The following C4orf50 variants were observed in gnomAD, a reference collection of about 807,000 sequenced individuals.
The protein encoded by C4orf50 is chromosome 4 open reading frame 50, also known as uncharacterized protein C4orf50.
In C4orf50, 80 loss-of-function variants were observed where a neutral mutation model predicts 77.2. That is an observed-to-expected ratio of 1.04 (90% CI 0.87 to 1.25). The LOEUF is 1.25. C4orf50 is among the 50% of genes most tolerant of loss of function. The pLI is 0.00. For synonymous variants in C4orf50, 532 were observed against 465.3 expected (o/e 1.14, Z -1.84); for missense variants, 1,257 against 1,152.9 (o/e 1.09, Z -1.31).
At chr4:5,950,100 A>C (rs1307121302) in intron 7 of C4orf50, among the ~76,000 whole-genome samples, 2 of 152,182 alleles carry the variant, frequency 1.3e-5, no homozygotes, top group Non-Finnish European at 2.9e-5. Flanking sequence ...AATAGCAAAA[A>C]CTGCAATTAT....
rs1309806693 is a variant in C4orf50 at position 6,017,597 on chromosome 4, AAGCCTTCCAG to A, written c.287+538_287+547del. ...CTGTGATGCCTGTAGCCACCTATGC[AAGCCTTCCAG>A]AGCACACATGCTTTTTCCCCAGGAT... On this transcript the variant is annotated intron_variant, in intron 23 of 33. Transcript: ENST00000531445. This position sits in a 1 kb window ranked among gnomAD's most constrained non-coding sequence, Gnocchi z 4.7. Among the ~76,000 whole-genome samples, 1 of 152,126 alleles carries A rather than the reference AAGCCTTCCAG, an allele frequency of 6.6e-6. No individual in the cohort carries two copies. Among genetic ancestry groups the A allele is most frequent in the Admixed American group, 6.5e-5 (1 of 15,268 alleles).
intron 7 of C4orf50, among the ~76,000 whole-genome samples, chr4:5,935,886 GA>G (rs1310414918): frequency 6.6e-6 from 1 of 151,054 alleles, no homozygotes. Context: ...TATTTGTCAG[GA>G]AGGTTAAGTT....
In C4orf50 at chr4:5,959,384, TA is replaced by T; in HGVS notation, c.4517del (p.Leu1506Ter). On this transcript the variant is annotated frameshift_variant, in exon 34 of 34. Coordinates refer to ENST00000531445, the Ensembl canonical transcript of C4orf50. LOFTEE classifies it high-confidence loss of function. ...AGAATGAGTGGCCCTATTACATTTC[TA>T]ACTCCAGCGGTGATTTATGGACCTG... The T allele has an allele frequency of 6.2e-7, 1 of 1,613,324 alleles. No individual in the cohort carries two copies. Among genetic ancestry groups the T allele is most frequent in the African/African-American group, 1.3e-5 (1 of 75,050 alleles).
intron 32 of C4orf50, among the ~76,000 whole-genome samples, chr4:5,965,448 G>A (rs1280051435): frequency 6.6e-6 from 1 of 152,244 alleles, no homozygotes; most frequent in African/African-American, 2.4e-5. Flanking sequence ...TTGCAAGCCG[G>A]CTTAGCTTCG....
intron 25 of C4orf50, among the ~76,000 whole-genome samples, chr4:5,995,280 C>A (rs1413487585): frequency 6.6e-6 from 1 of 152,118 alleles, no homozygotes; most frequent in Non-Finnish European, 1.5e-5. Flanking sequence ...AGGGTGTCTG[C>A]CCAGGGGGTT....
rs765613550 is a variant in C4orf50 at position 5,905,677 on chromosome 4, G to T, written c.*2475-7489C>A. 6.6e-6 allele frequency among the ~76,000 whole-genome samples: 1 copy of T among 152,138 alleles called. No homozygotes were observed. The highest frequency in any genetic ancestry group is 1.5e-5 in the Non-Finnish European group (1 of 68,028). ...ATTAGATAATGCTCTCTTTATTTGG[G>T]GTGCTTCAGACCCTTGACATGATAT... On this transcript the variant is annotated intron_variant, in intron 7 of 7. Transcript: ENST00000324058. This position sits in a 1 kb window ranked among gnomAD's most constrained non-coding sequence, Gnocchi z 5.4.
chr4:5,903,184 T>C (rs1716412347), intron 7 of C4orf50: 1 of 152,084 alleles, frequency 6.6e-6, no homozygotes, highest in Non-Finnish European at 1.5e-5. Context: ...CTGGCTTCAT[T>C]CACCTCTGAC....
intron 30 of C4orf50, among the ~76,000 whole-genome samples, chr4:5,975,265 T>C (rs1163368994): frequency 6.9e-6 from 1 of 145,514 alleles, no homozygotes; most frequent in East Asian, 2.1e-4. Flanking sequence ...GCAGGGGTGG[T>C]GATTTTATGG....
At chr4:5,981,893 A>G (rs1312791293) in intron 28 of C4orf50, among the ~76,000 whole-genome samples, 1 of 151,980 alleles carries the variant, frequency 6.6e-6, no homozygotes, top group Admixed American at 6.6e-5. Flanking sequence ...AAGGCCCCCA[A>G]AACTCATCCC....
At chr4:5,988,152 T>C (rs1720983344) in intron 28 of C4orf50, among the ~76,000 whole-genome samples, 195 bp downstream of exon 6, 1 of 152,180 alleles carries the variant, frequency 6.6e-6, no homozygotes, top group East Asian at 1.9e-4. Context: ...GAGTCCCTGC[T>C]CCATCCCTCA....
At chr4:5,967,502 C>G (rs1174189851) in intron 31 of C4orf50, 40 bp from the exon 10 acceptor site, 5 of 1,582,586 alleles carry the variant, frequency 3.2e-6, no homozygotes, top group Non-Finnish European at 4.3e-6. Context: ...CTGCATGGCA[C>G]TGGAGAGACA....
exon 33 of C4orf50, chr4:5,965,071 G>A (rs760752775): frequency 2.5e-6 from 4 of 1,613,688 alleles, no homozygotes; most frequent in Non-Finnish European, 3.4e-6. Flanking sequence ...TCCGGCTCGG[G>A]AATAGGCCAG....
In C4orf50 at chr4:6,015,946, C is replaced by T. The variant is rs573532651; in HGVS notation, c.287+2199G>A. On this transcript the variant is annotated intron_variant, in intron 23 of 33. Coordinates refer to ENST00000531445, the Ensembl canonical transcript of C4orf50. The surrounding 1 kb of genome is among the most constrained non-coding windows in gnomAD (Gnocchi z 4.4). ...CCCCATGTCACCATCCTTGACATGT[C>T]GACATAGTCCCAGCCTGCGTGAGTG... Among the ~76,000 whole-genome samples the T allele has an allele frequency of 1.1e-4, 17 of 152,280 alleles. No homozygotes were observed. Among genetic ancestry groups the T allele is most frequent in the African/African-American group, 3.4e-4 (14 of 41,566 alleles).
rs139996517 is a variant in C4orf50, at chr4:5,970,990, C to T, written c.4104+2669G>A. On this transcript the variant is annotated intron_variant, in intron 31 of 33. Transcript: ENST00000531445. The surrounding 1 kb of genome is among the most constrained non-coding windows in gnomAD (Gnocchi z 4.3). ...CAGTTGGGACCCTAGCCAGCCCACG[C>T]CCCCTACCCAAAGGCAGGGGCCAGA... 6.6e-6 allele frequency among the ~76,000 whole-genome samples: 1 copy of T among 152,180 alleles called. No homozygotes were observed. Among genetic ancestry groups the T allele is most frequent in the African/African-American group, 2.4e-5 (1 of 41,454 alleles).
At chr4:5,982,498 A>G (rs2108783212) in intron 28 of C4orf50, among the ~76,000 whole-genome samples, 1 of 152,292 alleles carries the variant, frequency 6.6e-6, no homozygotes, top group South Asian at 2.1e-4. Flanking sequence ...TCAACATTCA[A>G]TACAGCCTGA....
chr4:6,003,875 G>A (rs1328790965), intron 25 of C4orf50, among the ~76,000 whole-genome samples: 1 of 126,742 alleles, frequency 7.9e-6, no homozygotes, highest in Non-Finnish European at 1.6e-5. Context: ...GGTGATGATG[G>A]TGATGGTGAT....
chr4:5,937,785 T>A (rs890022294), intron 7 of C4orf50, among the ~76,000 whole-genome samples: 1 of 152,076 alleles, frequency 6.6e-6, no homozygotes, highest in Admixed American at 6.5e-5. Context: ...AATAACCATA[T>A]TGACATTAAA....
chr4:5,940,034 C>T (rs1339457627), intron 7 of C4orf50, among the ~76,000 whole-genome samples: 1 of 152,232 alleles, frequency 6.6e-6, no homozygotes, highest in Non-Finnish European at 1.5e-5. Context: ...AAGCATGAAG[C>T]TCAGTTGCAC....
At chr4:5,990,238 T>C (rs1348543823) in exon 28 of C4orf50, 2 of 1,235,976 alleles carry the variant, frequency 1.6e-6, no homozygotes, top group East Asian at 6.3e-5. Context: ...CCCATTCTGA[T>C]CCTGCACGTC....
Sources: gnomAD v4.1 joint callset for allele counts (sites outside exome capture counted in the v4.1 genomes callset) on GRCh38, gnomAD v4.1.1 for gene constraint, Gnocchi (gnomAD v3.1) non-coding constraint, MANE v1.5 for transcripts, NCBI Gene and HGNC (gene_info 2026-07-23, HGNC 2026-07-21) for gene names.